Variants in CCSER1 observed in about 807,000 individuals in gnomAD.
The protein encoded by CCSER1 is coiled-coil serine rich protein 1.
A neutral mutation model predicts 82.0 loss-of-function variants in CCSER1; 41 were observed. The ratio of observed to expected loss-of-function variants is 0.50; its 90% confidence interval spans 0.39 to 0.65. The LOEUF is 0.65. Among genes scored for constraint, CCSER1 ranks in the 30% least tolerant of loss-of-function variants. The probability of loss-of-function intolerance (pLI) is 0.00; values close to 1 mark genes in which losing one functional copy is unlikely to be tolerated. For missense variants in CCSER1, 1,119 were observed against 1,064.2 expected, an observed-to-expected ratio of 1.05 and a Z score of -0.72; for synonymous variants, 414 against 383.9, an observed-to-expected ratio of 1.08 and a Z score of -0.92.
chr4:91,303,707 A>G (rs926476045), intron 10 of CCSER1, among the ~76,000 whole-genome samples: 1 of 151,942 alleles, frequency 6.6e-6, no homozygotes, highest in Non-Finnish European at 1.5e-5. Flanking sequence ...AGGTGGGAGG[A>G]TCACCTGAGT....
chr4:90,260,039 A>G (rs1416133939), intron 1 of CCSER1, among the ~76,000 whole-genome samples: 1 of 152,122 alleles, frequency 6.6e-6, no homozygotes, highest in African/African-American at 2.4e-5. Context: ...TAGGATTAGT[A>G]CCAATTCTTC....
chr4:91,505,945 C>T (rs1283288393), intron 10 of CCSER1, among the ~76,000 whole-genome samples: 1 of 152,100 alleles, frequency 6.6e-6, no homozygotes, highest in Non-Finnish European at 1.5e-5. Context: ...TTAATTAGAT[C>T]CCATTTGTCA....
At chr4:91,383,516 T>C (rs1362150061) in intron 10 of CCSER1, among the ~76,000 whole-genome samples, 1 of 152,038 alleles carries the variant, frequency 6.6e-6, no homozygotes, top group South Asian at 2.1e-4. Flanking sequence ...TTAACTGGAG[T>C]TATTCTAAGA....
chr4:90,637,240 G>T (rs72871994), intron 6 of CCSER1, among the ~76,000 whole-genome samples: 11,601 of 152,166 alleles, frequency 0.076, 545 homozygotes, highest in East Asian at 0.17. Flanking sequence ...GGAGGACTCA[G>T]TTCTTCACTG....
intron 8 of CCSER1, among the ~76,000 whole-genome samples, chr4:90,917,765 AC>A (rs1727722511): frequency 6.6e-6 from 1 of 152,174 alleles, no homozygotes; most frequent in African/African-American, 2.4e-5. Context: ...GAAGTCCCTT[AC>A]AAGATGATGG....
chr4:90,180,836 A>C, intron 1 of CCSER1, among the ~76,000 whole-genome samples: 1 of 152,174 alleles, frequency 6.6e-6, no homozygotes, highest in Non-Finnish European at 1.5e-5. Flanking sequence ...ATAACACTTC[A>C]AAATGAACAT....
chr4:90,957,700 GTA>G (rs10553389), intron 9 of CCSER1, among the ~76,000 whole-genome samples: 83,524 of 133,448 alleles, frequency 0.63, 26,059 homozygotes, highest in African/African-American at 0.74. Flanking sequence ...ATTTCATGGT[GTA>G]TATATATATA....
At chr4:90,814,939 G>A (rs913383162) in intron 7 of CCSER1, among the ~76,000 whole-genome samples, 3 of 152,004 alleles carry the variant, frequency 2.0e-5, no homozygotes, top group Non-Finnish European at 4.4e-5. Flanking sequence ...AGTTTCAAAG[G>A]TGCTTCCACA....
intron 10 of CCSER1, among the ~76,000 whole-genome samples, chr4:91,462,808 G>C (rs1756587163): frequency 1.3e-5 from 2 of 152,182 alleles, no homozygotes; most frequent in Non-Finnish European, 2.9e-5. Flanking sequence ...GTGAGGCTTG[G>C]GGAGGGGCGC....
At chr4:90,926,127 A>T (rs1729033800) in intron 9 of CCSER1, among the ~76,000 whole-genome samples, 1 of 152,062 alleles carries the variant, frequency 6.6e-6, no homozygotes, top group Non-Finnish European at 1.5e-5. Context: ...ATATGCAATA[A>T]TAATCATTTA....
intron 10 of CCSER1, among the ~76,000 whole-genome samples, chr4:91,407,687 A>C (rs548564497): frequency 1.3e-5 from 2 of 152,136 alleles, no homozygotes; most frequent in Non-Finnish European, 2.9e-5. Flanking sequence ...GCTTCTATAC[A>C]GAGATCACAT....
intron 5 of CCSER1, among the ~76,000 whole-genome samples, chr4:90,592,774 T>G (rs2148702197): frequency 6.6e-6 from 1 of 152,274 alleles, no homozygotes; most frequent in African/African-American, 2.4e-5. Flanking sequence ...CTTTGTATCC[T>G]CTGAAGTCCC....
intron 10 of CCSER1, among the ~76,000 whole-genome samples, chr4:91,374,424 T>G (rs1019716900): frequency 2.0e-5 from 3 of 152,184 alleles, no homozygotes; most frequent in Non-Finnish European, 4.4e-5. Flanking sequence ...GCTATATCTA[T>G]TCTCCCTGTG....
At chr4:90,465,362 C>G (rs1355403617) in intron 4 of CCSER1, among the ~76,000 whole-genome samples, 1 of 149,620 alleles carries the variant, frequency 6.7e-6, no homozygotes, top group Non-Finnish European at 1.5e-5. Context: ...GCTCTGTCAC[C>G]CATACTGCAG....
At chr4:90,659,940 G>A (rs1730441769) in intron 6 of CCSER1, among the ~76,000 whole-genome samples, 1 of 151,280 alleles carries the variant, frequency 6.6e-6, no homozygotes, top group Admixed American at 6.6e-5. Flanking sequence ...GCTTATTTGT[G>A]TCATTTGCAC....
chr4:91,576,950 T>C (rs1363281351), intron 10 of CCSER1, among the ~76,000 whole-genome samples: 1 of 151,596 alleles, frequency 6.6e-6, no homozygotes, highest in Non-Finnish European at 1.5e-5. Context: ...TGCATGTATA[T>C]CAAAACATCA....
intron 7 of CCSER1, among the ~76,000 whole-genome samples, chr4:90,730,437 A>C (rs998453924): frequency 1.3e-5 from 2 of 152,190 alleles, no homozygotes; most frequent in African/African-American, 4.8e-5. Context: ...TTTGTTGATG[A>C]ATCAATTTGT....
At chr4:90,584,343 A>G (rs1157393945) in intron 5 of CCSER1, among the ~76,000 whole-genome samples, 9 of 152,214 alleles carry the variant, frequency 5.9e-5, no homozygotes, top group African/African-American at 2.2e-4. Flanking sequence ...CACACGGCAA[A>G]GAATGAAGGT....
intron 1 of CCSER1, among the ~76,000 whole-genome samples, chr4:90,277,197 G>C (rs1450944428): frequency 6.6e-6 from 1 of 151,994 alleles, no homozygotes; most frequent in Non-Finnish European, 1.5e-5. Flanking sequence ...CCATGCTCAT[G>C]GATTGGGAGA....
Sources: gnomAD v4.1 joint callset for allele counts (sites outside exome capture counted in the v4.1 genomes callset) on GRCh38, gnomAD v4.1.1 for gene constraint, MANE v1.5 for transcripts, NCBI Gene and HGNC (gene_info 2026-07-23, HGNC 2026-07-21) for gene names.